Variants in RPS6KA5 observed in about 807,000 individuals in gnomAD.
The protein encoded by RPS6KA5 is ribosomal protein S6 kinase alpha-5.
A neutral mutation model predicts 85.5 loss-of-function variants in RPS6KA5; 27 were observed. The ratio of observed to expected loss-of-function variants is 0.32; its 90% CI spans 0.23 to 0.44. RPS6KA5 has a LOEUF of 0.44. RPS6KA5 is among the 20% of genes least tolerant of loss of function. The probability of loss-of-function intolerance (pLI) is 1.00; values close to 1 mark genes in which losing one functional copy is unlikely to be tolerated. For synonymous variants in RPS6KA5, 334 were observed against 348.2 expected, an observed-to-expected ratio of 0.96 and a Z score of 0.46; for missense variants, 811 against 980.9, an observed-to-expected ratio of 0.83 and a Z score of 2.31.
At chr14:90,943,282 T>TA in intron 4 of RPS6KA5, 97 bp from the exon 5 acceptor site, 4 of 711,016 alleles carry the variant, frequency 5.6e-6, no homozygotes, top group South Asian at 2.1e-5. Context: ...TTTTTTTTTT[T>TA]AAGGCATTTC....
intron 14 of RPS6KA5, among the ~76,000 whole-genome samples, chr14:90,878,512 C>T (rs1054812794): frequency 7.9e-5 from 12 of 152,190 alleles, no homozygotes; most frequent in Admixed American, 7.9e-4. Flanking sequence ...CCTCCCCAAA[C>T]ATGGAACAAA....
chr14:90,937,110 G>A (rs1447291466), intron 5 of RPS6KA5, among the ~76,000 whole-genome samples: 3 of 152,004 alleles, frequency 2.0e-5, no homozygotes, highest in Non-Finnish European at 4.4e-5. Context: ...CCAACAAAAG[G>A]CAGTGAGAGA....
intron 5 of RPS6KA5, among the ~76,000 whole-genome samples, chr14:90,940,528 G>C (rs2037513208): frequency 6.6e-6 from 1 of 152,154 alleles, no homozygotes; most frequent in Non-Finnish European, 1.5e-5. Context: ...TGTTTGTTTA[G>C]TTTTGAGTCC....
At chr14:90,911,034 A>G (rs10132926) in intron 7 of RPS6KA5, among the ~76,000 whole-genome samples, 2,006 of 152,198 alleles carry the variant, frequency 0.013, 57 homozygotes, top group African/African-American at 0.046. Context: ...CTTTTCAGAG[A>G]AGCTTGCTCT....
chr14:91,030,811 G>A (rs1306879255), intron 1 of RPS6KA5, among the ~76,000 whole-genome samples: 1 of 151,638 alleles, frequency 6.6e-6, no homozygotes, highest in Admixed American at 6.6e-5. Context: ...TCTGTATAGG[G>A]GGAGCCTATT....
chr14:91,053,976 C>T (rs1408891366), intron 1 of RPS6KA5, among the ~76,000 whole-genome samples: 2 of 152,124 alleles, frequency 1.3e-5, no homozygotes, highest in Admixed American at 6.5e-5. Flanking sequence ...CATGGTACTG[C>T]TATAAGGAGA....
chr14:91,023,368 C>T (rs1273830271), intron 1 of RPS6KA5, among the ~76,000 whole-genome samples: 3 of 151,614 alleles, frequency 2.0e-5, no homozygotes, highest in Non-Finnish European at 4.4e-5. Context: ...CTCACTGCAA[C>T]CTCTGCCTCC....
chr14:90,932,298 AT>A (rs1166859589), intron 5 of RPS6KA5, among the ~76,000 whole-genome samples: 1 of 151,678 alleles, frequency 6.6e-6, no homozygotes, highest in African/African-American at 2.4e-5. Context: ...TAATTTTTTT[AT>A]TTTTTTATAG....
chr14:90,975,455 T>C (rs1446755580), intron 3 of RPS6KA5, among the ~76,000 whole-genome samples: 3 of 152,126 alleles, frequency 2.0e-5, no homozygotes, highest in African/African-American at 7.2e-5. Context: ...GCAATCTGAC[T>C]GGTGTCCTTA....
chr14:90,971,127 G>T (rs1367591321), intron 3 of RPS6KA5, among the ~76,000 whole-genome samples: 1 of 152,070 alleles, frequency 6.6e-6, no homozygotes, highest in East Asian at 1.9e-4. Flanking sequence ...GACCAGCCTG[G>T]CCAGCATGGT....
rs2032682276 is a variant in RPS6KA5, at chr14:90,863,728, G to A, written c.*8346C>T. 6.6e-6 allele frequency: 1 copy of A among 152,116 alleles called. No homozygotes were observed. The highest frequency in any genetic ancestry group is 1.5e-5 in the Non-Finnish European group (1 of 68,012). 9.4% of individuals were successfully genotyped at this position (152,116 alleles called of 1,614,324 possible). ...ATGTAAATCTATAAAACACTGGTGA[G>A]ACAAATTAAATACCTAAGTAAATAG... On this transcript the variant is annotated 3_prime_UTR_variant, in exon 17 of 17. Coordinates refer to ENST00000614987, the MANE Select transcript of RPS6KA5 (RefSeq NM_004755.4).
In RPS6KA5 at chr14:90,867,469, C is replaced by T. The variant is rs2140123046; in HGVS notation, c.*4605G>A. The T allele has an allele frequency of 1.3e-5, 2 of 152,202 alleles. No individual in the cohort carries two copies. The highest frequency in any genetic ancestry group is 6.8e-3 in the Middle Eastern group (2 of 294). The allele number at this position is 152,202 out of a possible 1,614,324, so 9.4% of individuals were successfully genotyped here. The stretch of plus-strand genomic sequence containing the variant: ...TTTCCTGTGCTCTGAAGAACAGCTG[C>T]TATACTAAATACTAACTTGACTTAT... On this transcript the variant is annotated 3_prime_UTR_variant, in exon 17 of 17. Transcript: ENST00000614987.
intron 5 of RPS6KA5, among the ~76,000 whole-genome samples, chr14:90,926,618 TAA>T (rs2036681971): frequency 1.3e-5 from 2 of 150,730 alleles, no homozygotes; most frequent in Admixed American, 6.6e-5. Flanking sequence ...TACTTTACAA[TAA>T]AAAGAGAGAC....
In RPS6KA5 at chr14:90,902,909, G is replaced by A. The variant is rs2035257114; in HGVS notation, c.1018C>T (p.Arg340Ter). Residue 340 changes from arginine to a stop codon, truncating the protein, a stop_gained, in exon 9 of 17, where the codon CGA becomes TGA. Coordinates refer to ENST00000614987, the MANE Select transcript of RPS6KA5 (RefSeq NM_004755.4). LOFTEE classifies it high-confidence loss of function. ...KVPAPFKPVI[R>*]DELDVSNFAE... is the part of the protein sequence containing the mutation. ...AAGTTACTCACATCTAATTCATCTC[G>A]AATGACTGGCTTAAATGGTGCAGGC... The A allele has an allele frequency of 6.2e-7, 1 of 1,613,910 alleles. No homozygotes were observed. Among genetic ancestry groups the A allele is most frequent in the Non-Finnish European group, 8.5e-7 (1 of 1,179,960 alleles).
At chr14:91,034,936 C>A (rs79713856) in intron 1 of RPS6KA5, among the ~76,000 whole-genome samples, 2 of 151,022 alleles carry the variant, frequency 1.3e-5, no homozygotes, top group African/African-American at 2.4e-5. Context: ...AAAAAAAAAA[C>A]AGTTTGCTGG....
intron 16 of RPS6KA5, 25 bp downstream of exon 16, chr14:90,873,601 CGCCCAA>C: frequency 6.5e-7 from 1 of 1,547,146 alleles, no homozygotes; most frequent in Non-Finnish European, 8.8e-7. Context: ...CTACTCAAAC[CGCCCAA>C]CATGTACAGA....
intron 5 of RPS6KA5, among the ~76,000 whole-genome samples, chr14:90,925,950 AAAAAAAAAAAAAG>A (rs2036640442): frequency 6.7e-6 from 1 of 149,358 alleles, no homozygotes; most frequent in Admixed American, 6.6e-5. Flanking sequence ...TCAAAAAAAA[AAAAAAAAAAAAAG>A]AAAAGAAAAG....
intron 1 of RPS6KA5, among the ~76,000 whole-genome samples, chr14:91,024,209 T>C (rs1473390998): frequency 6.6e-6 from 1 of 151,974 alleles, no homozygotes; most frequent in South Asian, 2.1e-4. Context: ...TGTCTTTTCC[T>C]TTTTTTTCCC....
intron 12 of RPS6KA5, among the ~76,000 whole-genome samples, chr14:90,897,031 C>A (rs1339910082): frequency 6.6e-6 from 1 of 152,046 alleles, no homozygotes; most frequent in African/African-American, 2.4e-5. Flanking sequence ...TTTTTTGGCA[C>A]CAGGAAATGG....
Sources: allele counts gnomAD v4.1 joint callset (sites outside exome capture counted in the v4.1 genomes callset), GRCh38; gene constraint gnomAD v4.1.1; transcripts MANE v1.5; gene names NCBI Gene and HGNC (gene_info 2026-07-23, HGNC 2026-07-21).